Variants in MAIP1 observed in about 807,000 individuals in gnomAD.
The protein encoded by MAIP1 is m-AAA protease-interacting protein 1, mitochondrial.
Under a neutral mutation model 31.2 loss-of-function variants are expected in MAIP1, and 28 were observed. The ratio of observed to expected loss-of-function variants is 0.90; its 90% CI spans 0.67 to 1.23. MAIP1 has a LOEUF of 1.23. MAIP1 is among the 50% of genes most tolerant of loss of function. MAIP1 has a pLI of 0.00. For synonymous variants in MAIP1, 142 were observed against 142.3 expected, an observed-to-expected ratio of 1.00 and a Z score of 0.02; for missense variants, 339 against 356.0, an observed-to-expected ratio of 0.95 and a Z score of 0.38.
intron 3 of MAIP1, 145 bp downstream of exon 3, chr2:199,960,025 C>G: frequency 2.7e-6 from 2 of 740,162 alleles, no homozygotes; most frequent in Non-Finnish European, 4.2e-6. Context: ...CTTTAAAGAC[C>G]TACTTCTGAA....
chr2:199,956,332 C>T (rs2077604230), intron 1 of MAIP1, 84 bp downstream of exon 1: 1 of 1,072,084 alleles, frequency 9.3e-7, no homozygotes, highest in East Asian at 2.4e-5. Flanking sequence ...GAGTTTTCTT[C>T]ACTGGGATAC....
chr2:199,958,103 A>G (rs531673577), intron 1 of MAIP1, among the ~76,000 whole-genome samples: 1 of 152,326 alleles, frequency 6.6e-6, no homozygotes, highest in Non-Finnish European at 1.5e-5. Flanking sequence ...TGTTGCTTAT[A>G]TAAAGCAAAC....
chr2:199,959,541 T>C (rs1190137339), intron 2 of MAIP1, among the ~76,000 whole-genome samples: 1 of 152,182 alleles, frequency 6.6e-6, no homozygotes, highest in Non-Finnish European at 1.5e-5. Flanking sequence ...GAAGTAATCA[T>C]GATGTCTTCC....
chr2:199,962,883 C>T (rs1277487951), intron 4 of MAIP1, among the ~76,000 whole-genome samples: 1 of 151,994 alleles, frequency 6.6e-6, no homozygotes, highest in Non-Finnish European at 1.5e-5. Flanking sequence ...ACTGCTGGAG[C>T]AAGTCAGTGA....
At chr2:199,958,336 C>T (rs74586459) in intron 1 of MAIP1, among the ~76,000 whole-genome samples, 5,210 of 152,180 alleles carry the variant, frequency 0.034, 134 homozygotes, top group East Asian at 0.13. Flanking sequence ...CTCTTTAAGG[C>T]TTTATCTCCA....
In MAIP1 at chr2:199,956,230, C is replaced by CA; in HGVS notation, c.432_433insA (p.Ser145IlefsTer19). ...ACAAAGAGTTCAGCATCACAGAGTT[C>CA]TCCGAGGGAGCGAAGCAGGTTTGTT... On this transcript the variant is annotated frameshift_variant, in exon 1 of 5. Transcript: ENST00000392290. LOFTEE classifies it high-confidence loss of function. The CA allele has an allele frequency of 6.2e-7, 1 of 1,612,318 alleles. No individual in the cohort carries two copies.
At chr2:199,957,421 A>G (rs988232703) in intron 1 of MAIP1, among the ~76,000 whole-genome samples, 11 of 152,154 alleles carry the variant, frequency 7.2e-5, no homozygotes, top group Admixed American at 1.3e-4. Context: ...AAAAACCACA[A>G]TAGAAGTCAG....
At chr2:199,960,037 G>A (rs2077628009) in intron 3 of MAIP1, among the ~76,000 whole-genome samples, 157 bp downstream of exon 3, 1 of 152,214 alleles carries the variant, frequency 6.6e-6, no homozygotes, top group South Asian at 2.1e-4. Flanking sequence ...ACTTCTGAAA[G>A]AGTTGAGATA....
intron 3 of MAIP1, 96 bp from the exon 4 acceptor site, chr2:199,961,685 G>A: frequency 8.7e-7 from 1 of 1,146,624 alleles, no homozygotes; most frequent in Non-Finnish European, 1.2e-6. Flanking sequence ...TGTAACAACT[G>A]TATAACTGCT....
intron 4 of MAIP1, among the ~76,000 whole-genome samples, chr2:199,963,213 G>A (rs1375687423): frequency 6.6e-6 from 1 of 151,998 alleles, no homozygotes; most frequent in Admixed American, 6.5e-5. Context: ...TTCTTACTAA[G>A]ACTATGGGTA....
chr2:199,955,730 C>A lies in MAIP1; in HGVS notation c.-69C>A, dbSNP rs2077595889. 2 of 1,435,008 alleles carry A rather than the reference C, an allele frequency of 1.4e-6. No individual in the cohort carries two copies. The highest frequency in any genetic ancestry group is 4.6e-5 in the Admixed American group (2 of 43,562). The allele number at this position is 1,435,008 out of a possible 1,614,324, so 88.9% of individuals were successfully genotyped here. A position where few individuals can be genotyped will look rare whatever the true frequency, so the allele number is the denominator to read the frequency against. On this transcript the variant is annotated 5_prime_UTR_variant, in exon 1 of 5. In the 5' UTR this introduces an upstream ATG that the reference lacks. Transcript: ENST00000392290. ...TCTCCAGTCTCTTTCTCCGACACCG[C>A]TGAGGCGGTTTCCCACCGACTTCCT...
At chr2:199,956,396 G>A in intron 1 of MAIP1, 148 bp downstream of exon 1, 1 of 728,126 alleles carries the variant, frequency 1.4e-6, no homozygotes, top group Non-Finnish European at 2.3e-6. Flanking sequence ...GCCATTGCTT[G>A]ACTTAAAGTA....
upstream of MAIP1, chr2:199,955,520 G>A (rs773651291): frequency 1.3e-6 from 2 of 1,590,608 alleles, no homozygotes; most frequent in East Asian, 4.6e-5. Context: ...CGGCTCTAAA[G>A]CGTTCCTCAG....
intron 3 of MAIP1, among the ~76,000 whole-genome samples, chr2:199,960,780 C>G (rs116904529): frequency 6.6e-6 from 1 of 152,128 alleles, no homozygotes; most frequent in Non-Finnish European, 1.5e-5. Flanking sequence ...TGAGGGATGA[C>G]TCTATTTGCA....
At chr2:199,956,272 C>G (rs767504085) in intron 1 of MAIP1, 24 bp downstream of exon 1, 6 of 1,553,116 alleles carry the variant, frequency 3.9e-6, no homozygotes, top group Non-Finnish European at 5.3e-6. Flanking sequence ...CCTGATTGAC[C>G]TATCCGTCTC....
intron 1 of MAIP1, 87 bp downstream of exon 1, chr2:199,956,335 T>C: frequency 2.8e-6 from 3 of 1,073,400 alleles, no homozygotes; most frequent in Non-Finnish European, 2.7e-6. Flanking sequence ...TTTTCTTCAC[T>C]GGGATACAAG....
chr2:199,962,519 G>T (rs907049344), intron 4 of MAIP1, among the ~76,000 whole-genome samples: 1 of 152,198 alleles, frequency 6.6e-6, no homozygotes, highest in Non-Finnish European at 1.5e-5. Context: ...CATCAGTTCT[G>T]CCATAGTCTA....
chr2:199,959,284 C>T lies in MAIP1; in HGVS notation c.467C>T (p.Ser156Phe), dbSNP rs2077623839. 4 of 1,586,640 alleles carry T rather than the reference C, an allele frequency of 2.5e-6. No homozygotes were observed. In the East Asian group the frequency reaches 9.0e-5, roughly 36 times the overall value. ...EGAKQAFAHVSKLLSQCKFDL... is the reference protein window; with the variant it reads ...EGAKQAFAHVFKLLSQCKFDL... ...TTTTTCAAGGCTTTTGCTCATGTAT[C>T]CAAGTTGCTGTCACAGTGTAAATTT... The change falls in exon 2 of 5, where the codon TCC becomes TTC. Residue 156 changes from serine to phenylalanine, a missense_variant. Ser to Phe is a radical substitution (Grantham distance 155). Coordinates refer to ENST00000392290, the MANE Select transcript of MAIP1 (RefSeq NM_001394955.1).
chr2:199,956,206 C>G lies in MAIP1; in HGVS notation c.408C>G (p.Asp136Glu), dbSNP rs906679743. The change falls in exon 1 of 5, where the codon GAC becomes GAG. Residue 136 changes from aspartate to glutamate, a missense_variant. Coordinates refer to ENST00000392290, the MANE Select transcript of MAIP1 (RefSeq NM_001394955.1). ...IKAFLIWAYFDKEFSITEFSE... is the reference protein window; with the variant it reads ...IKAFLIWAYFEKEFSITEFSE... ...CCTTCCTTATCTGGGCCTATTTCGA[C>G]AAAGAGTTCAGCATCACAGAGTTCT... The G allele has an allele frequency of 6.2e-7, 1 of 1,613,852 alleles. No homozygotes were observed. Among genetic ancestry groups the G allele is most frequent in the African/African-American group, 1.3e-5 (1 of 74,946 alleles).
Sources: allele counts gnomAD v4.1 joint callset (sites outside exome capture counted in the v4.1 genomes callset), GRCh38; gene constraint gnomAD v4.1.1; transcripts MANE v1.5; gene names NCBI Gene and HGNC (gene_info 2026-07-23, HGNC 2026-07-21).